The following PKIB variants were observed in gnomAD, a reference collection of about 807,000 sequenced individuals.
PKIB encodes the protein PKI-beta.
A neutral mutation model predicts 4.5 loss-of-function variants in PKIB; 2 were observed. That is an observed-to-expected ratio of 0.44 (90% confidence interval 0.18 to 1.39). The LOEUF (loss-of-function observed/expected upper bound fraction) is 1.39, where lower values mean the gene tolerates loss of function less well. Ranked by LOEUF, PKIB falls within the 40% of genes most tolerant of loss-of-function variation. PKIB has a pLI of 0.27. For missense variants in PKIB, 94 were observed against 92.6 expected (o/e 1.02, Z -0.06); for synonymous variants, 38 against 36.0 (o/e 1.06, Z -0.20).
intron 3 of PKIB, among the ~76,000 whole-genome samples, chr6:122,699,281 T>TAAAAAA (rs58796900): frequency 0.45 from 67,395 of 150,438 alleles, 16,286 homozygotes; most frequent in Non-Finnish European, 0.55. Context: ...ATTTGTGAAC[T>TAAAAAA]AAAATATATA....
intron 2 of PKIB, among the ~76,000 whole-genome samples, chr6:122,491,201 C>T (rs906847509): frequency 6.6e-6 from 1 of 152,172 alleles, no homozygotes; most frequent in Non-Finnish European, 1.5e-5. Flanking sequence ...TCTTGCATCC[C>T]TTATCTCTTT....
At chr6:122,721,537 A>G (rs966049076) in intron 4 of PKIB, among the ~76,000 whole-genome samples, 3 of 152,152 alleles carry the variant, frequency 2.0e-5, no homozygotes, top group African/African-American at 7.2e-5. Flanking sequence ...TTATTTGGCC[A>G]TCTCTGAAGA....
intron 2 of PKIB, among the ~76,000 whole-genome samples, chr6:122,585,127 G>A (rs778988886): frequency 2.0e-5 from 3 of 152,100 alleles, no homozygotes; most frequent in African/African-American, 4.8e-5. Flanking sequence ...TAGGATAGCC[G>A]TACTCTCCAA....
chr6:122,677,089 C>CTATAATGCAGAT (rs372997891), intron 3 of PKIB, among the ~76,000 whole-genome samples: 7,111 of 152,214 alleles, frequency 0.047, 188 homozygotes, highest in South Asian at 0.095. Flanking sequence ...GGAAGAATTG[C>CTATAATGCAGAT]TATAATGCAG....
chr6:122,514,316 T>A (rs760957074), intron 2 of PKIB, among the ~76,000 whole-genome samples: 1 of 152,180 alleles, frequency 6.6e-6, no homozygotes, highest in African/African-American at 2.4e-5. Flanking sequence ...TGCCACAAAT[T>A]TATGTAAAAG....
At chr6:122,510,607 T>A (rs1195320350) in intron 2 of PKIB, among the ~76,000 whole-genome samples, 2 of 152,232 alleles carry the variant, frequency 1.3e-5, no homozygotes, top group African/African-American at 4.8e-5. Context: ...CAGCGTTGAC[T>A]GCTTGCAAGT....
chr6:122,716,822 G>C (rs1779518456), intron 3 of PKIB, among the ~76,000 whole-genome samples: 1 of 152,090 alleles, frequency 6.6e-6, no homozygotes, highest in African/African-American at 2.4e-5. Flanking sequence ...TCAATACTTA[G>C]TGCATTCTGT....
At chr6:122,510,481 T>C (rs927520314) in intron 2 of PKIB, among the ~76,000 whole-genome samples, 30 of 152,176 alleles carry the variant, frequency 2.0e-4, no homozygotes, top group African/African-American at 7.0e-4. Context: ...AACCTGTCTC[T>C]GTTAAAGGAA....
At position 122,624,327 on chromosome 6, in the gene PKIB, C is replaced by T. The variant is rs117614270; in HGVS notation, c.-160-8956C>T. Among the ~76,000 whole-genome samples, 187 of 152,204 alleles carry T rather than the reference C, an allele frequency of 1.2e-3. 3 individuals carry two copies. The East Asian group carries it at 0.02, about 17-fold the overall frequency. On this transcript the variant is annotated intron_variant, in intron 1 of 4. Coordinates refer to ENST00000368452, the MANE Select transcript of PKIB (RefSeq NM_181795.3). Reference sequence around the variant, plus strand: ...TGGGCCATAGTCCATAGCAGGAAACCTTTTTGATCAAGCTTCTTTATATCC... The same window carrying T: ...TGGGCCATAGTCCATAGCAGGAAACTTTTTTGATCAAGCTTCTTTATATCC...
chr6:122,635,795 T>G (rs558171617), intron 2 of PKIB, among the ~76,000 whole-genome samples: 2 of 152,154 alleles, frequency 1.3e-5, no homozygotes, highest in East Asian at 3.9e-4. Context: ...TGCAACTATA[T>G]TACTTTTAAG....
intron 2 of PKIB, among the ~76,000 whole-genome samples, chr6:122,567,136 A>G (rs1773218368): frequency 6.6e-6 from 1 of 152,186 alleles, no homozygotes; most frequent in South Asian, 2.1e-4. Context: ...ATACCATTCT[A>G]GTCTACTCAG....
chr6:122,600,389 A>T (rs188158210), intron 3 of PKIB, among the ~76,000 whole-genome samples: 1 of 152,200 alleles, frequency 6.6e-6, no homozygotes, highest in Non-Finnish European at 1.5e-5. Flanking sequence ...AATAGTTTGT[A>T]TCCATCAATC....
upstream of PKIB, among the ~76,000 whole-genome samples, chr6:122,606,571 C>CAAA (rs10695767): frequency 8.4e-6 from 1 of 119,564 alleles, no homozygotes; most frequent in Admixed American, 8.9e-5. Flanking sequence ...GACTCTGTCT[C>CAAA]AAAAAAGAAA....
intron 1 of PKIB, among the ~76,000 whole-genome samples, chr6:122,630,140 A>G (rs1166896409): frequency 9.2e-5 from 14 of 152,174 alleles, no homozygotes; most frequent in Admixed American, 8.5e-4. Context: ...TTAAAAAGAA[A>G]TACTATTATC....
intron 3 of PKIB, among the ~76,000 whole-genome samples, chr6:122,599,461 A>T (rs1293550741): frequency 6.6e-6 from 1 of 152,186 alleles, no homozygotes; most frequent in African/African-American, 2.4e-5. Flanking sequence ...TCGCACGATA[A>T]GAGCTTATAT....
chr6:122,525,890 A>C (rs1777079758), intron 2 of PKIB, among the ~76,000 whole-genome samples: 1 of 152,158 alleles, frequency 6.6e-6, no homozygotes, highest in Non-Finnish European at 1.5e-5. Context: ...GTAGCATGCA[A>C]TGCTTCTTGA....
intron 3 of PKIB, among the ~76,000 whole-genome samples, chr6:122,712,991 C>T (rs79489870): frequency 0.043 from 6,492 of 152,136 alleles, 271 homozygotes; most frequent in African/African-American, 0.11. Flanking sequence ...GCCTTTAGTG[C>T]TCCATTTATC....
intron 2 of PKIB, chr6:122,644,575 G>A (rs1283080827): frequency 6.6e-6 from 1 of 152,154 alleles, no homozygotes; most frequent in Non-Finnish European, 1.5e-5. Flanking sequence ...TTCTTAAGAA[G>A]ATTAAAGCGG....
chr6:122,601,128 A>G (rs1774352906), intron 3 of PKIB, among the ~76,000 whole-genome samples: 1 of 152,054 alleles, frequency 6.6e-6, no homozygotes, highest in African/African-American at 2.4e-5. Context: ...CACAGAAAGA[A>G]AAAGGGCCCC....
Sources: gnomAD v4.1 joint callset for allele counts (sites outside exome capture counted in the v4.1 genomes callset) on GRCh38, gnomAD v4.1.1 for gene constraint, MANE v1.5 for transcripts, NCBI Gene and HGNC (gene_info 2026-07-23, HGNC 2026-07-21) for gene names.